The following SHISA9 variants were observed in gnomAD, a reference collection of about 807,000 sequenced individuals.
SHISA9 encodes protein shisa-9.
Under a neutral mutation model 38.0 loss-of-function variants are expected in SHISA9, and 13 were observed. The ratio of observed to expected loss-of-function variants is 0.34; its 90% confidence interval spans 0.22 to 0.54. The LOEUF (loss-of-function observed/expected upper bound fraction) is 0.54, where lower values mean the gene tolerates loss of function less well. Ranked by LOEUF, SHISA9 falls within the 20% of genes least tolerant of loss-of-function variation. SHISA9 has a pLI of 0.91. For missense variants in SHISA9, 538 were observed against 575.8 expected, an observed-to-expected ratio of 0.93 and a Z score of 0.67; for synonymous variants, 275 against 242.0, an observed-to-expected ratio of 1.14 and a Z score of -1.27.
At chr16:13,302,581 C>T in the SHISA9 span, among the ~76,000 whole-genome samples, 3 of 152,166 alleles carry the variant, frequency 2.0e-5, no homozygotes, top group Non-Finnish European at 4.4e-5. Flanking sequence ...AGAAGGGGAT[C>T]CCAGCTGTGC....
chr16:13,314,187 C>G, the SHISA9 span, among the ~76,000 whole-genome samples: 1 of 150,150 alleles, frequency 6.7e-6, no homozygotes, highest in Non-Finnish European at 1.5e-5. Flanking sequence ...ACTCCTTATT[C>G]TTTCATTTTT....
chr16:13,554,744 G>A, the SHISA9 span, among the ~76,000 whole-genome samples: 4 of 152,172 alleles, frequency 2.6e-5, no homozygotes, highest in South Asian at 4.1e-4. Context: ...CACCTGCTTC[G>A]GCCTCCCAAA....
intron 2 of SHISA9, among the ~76,000 whole-genome samples, chr16:13,050,166 A>G (rs2073234149): frequency 6.6e-6 from 1 of 152,190 alleles, no homozygotes; most frequent in South Asian, 2.1e-4. Flanking sequence ...TATCAATAAT[A>G]TGGTCTTATT....
At chr16:13,380,905 T>C in the SHISA9 span, among the ~76,000 whole-genome samples, 5 of 146,942 alleles carry the variant, frequency 3.4e-5, no homozygotes, top group East Asian at 1.0e-3. Flanking sequence ...CCCGCATGAG[T>C]GAGAACATGT....
chr16:12,977,804 C>G (rs553871207), intron 2 of SHISA9, among the ~76,000 whole-genome samples: 2 of 151,894 alleles, frequency 1.3e-5, no homozygotes, highest in African/African-American at 4.8e-5. Context: ...ACAACACACA[C>G]TGAGGCCTAT....
At chr16:13,161,489 T>C (rs1206486607) in intron 2 of SHISA9, among the ~76,000 whole-genome samples, 3 of 152,178 alleles carry the variant, frequency 2.0e-5, no homozygotes, top group Non-Finnish European at 4.4e-5. Flanking sequence ...GTCTTGACTT[T>C]GGGCATTTTT....
At chr16:13,542,076 A>G in the SHISA9 span, among the ~76,000 whole-genome samples, 3 of 152,162 alleles carry the variant, frequency 2.0e-5, no homozygotes, top group Non-Finnish European at 4.4e-5. Context: ...GAAGAAGGCC[A>G]TGTGAAGATG....
the SHISA9 span, among the ~76,000 whole-genome samples, chr16:13,449,249 AAATAGACCAAAATGTTCAAGG>A: frequency 1.3e-5 from 2 of 152,238 alleles, no homozygotes; most frequent in African/African-American, 4.8e-5. Context: ...AGACAGCAAG[AAATAGACCAAAATGTTCAAGG>A]AATAGACCAA....
At chr16:13,509,776 C>T in the SHISA9 span, among the ~76,000 whole-genome samples, 3 of 152,090 alleles carry the variant, frequency 2.0e-5, no homozygotes, top group East Asian at 1.9e-4. Context: ...TAATTTTTAC[C>T]GACTACTTTT....
chr16:13,474,782 A>G, the SHISA9 span, among the ~76,000 whole-genome samples: 1 of 152,196 alleles, frequency 6.6e-6, no homozygotes, highest in South Asian at 2.1e-4. Flanking sequence ...GAATAAGACA[A>G]CCATGTGAAA....
chr16:13,291,245 AT>A, the SHISA9 span, among the ~76,000 whole-genome samples: 3 of 152,160 alleles, frequency 2.0e-5, no homozygotes, highest in African/African-American at 4.8e-5. Context: ...AACTTGCACA[AT>A]ATCACTTCCA....
the SHISA9 span, among the ~76,000 whole-genome samples, chr16:13,502,015 T>A: frequency 7.6e-3 from 1,067 of 140,128 alleles, 6 homozygotes; most frequent in African/African-American, 0.023. Flanking sequence ...AAAAAAAAAA[T>A]TGCTGAAAGA....
chr16:13,374,144 T>G, the SHISA9 span, among the ~76,000 whole-genome samples: 3 of 151,974 alleles, frequency 2.0e-5, no homozygotes, highest in Non-Finnish European at 4.4e-5. Flanking sequence ...ATTTCTTTTT[T>G]TTGTTGTTTT....
chr16:13,360,770 C>A, the SHISA9 span, among the ~76,000 whole-genome samples: 1 of 152,174 alleles, frequency 6.6e-6, no homozygotes, highest in Non-Finnish European at 1.5e-5. Context: ...ACCAACAGGA[C>A]AACCTGCAAC....
At chr16:13,192,456 A>G (rs1302397005) in intron 2 of SHISA9, among the ~76,000 whole-genome samples, 1 of 152,146 alleles carries the variant, frequency 6.6e-6, no homozygotes, top group Non-Finnish European at 1.5e-5. Flanking sequence ...TCGTTAACCA[A>G]GCACAATGCC....
At chr16:13,382,781 C>G in the SHISA9 span, among the ~76,000 whole-genome samples, 4 of 151,170 alleles carry the variant, frequency 2.6e-5, no homozygotes, top group African/African-American at 4.9e-5. Flanking sequence ...TTGCTTGAAC[C>G]CAGGAGGCAG....
At chr16:13,240,801 C>G (rs2051429492), downstream of SHISA9, among the ~76,000 whole-genome samples, 1 of 152,158 alleles carries the variant, frequency 6.6e-6, no homozygotes, top group East Asian at 1.9e-4. Flanking sequence ...AGATTCGATT[C>G]TTCCCCTATT....
intron 2 of SHISA9, among the ~76,000 whole-genome samples, chr16:13,017,313 C>G (rs140747202): frequency 6.6e-6 from 1 of 152,322 alleles, no homozygotes; most frequent in East Asian, 1.9e-4. Context: ...AGCCACAGTG[C>G]CCGGCCTGTT....
intron 2 of SHISA9, among the ~76,000 whole-genome samples, chr16:13,002,779 T>C (rs554647492): frequency 6.6e-6 from 1 of 152,234 alleles, no homozygotes; most frequent in African/African-American, 2.4e-5. Flanking sequence ...GTGATCTGCC[T>C]GCCTCGCCCT....
Sources: allele counts gnomAD v4.1 joint callset (sites outside exome capture counted in the v4.1 genomes callset), GRCh38; gene constraint gnomAD v4.1.1; transcripts MANE v1.5; gene names NCBI Gene and HGNC (gene_info 2026-07-23, HGNC 2026-07-21).